SH3GL2: variants seen among roughly 807,000 people sequenced by gnomAD.
SH3GL2 encodes SH3 domain containing GRB2 like 2, endophilin A1.
In SH3GL2, 24 loss-of-function variants were observed where a neutral mutation model predicts 46.0. The observed-to-expected ratio is 0.52, with a 90% CI of 0.38 to 0.73. The LOEUF (loss-of-function observed/expected upper bound fraction) is 0.73. SH3GL2 is among the 30% of genes least tolerant of loss of function. SH3GL2 has a pLI of 0.00. For missense variants in SH3GL2, 413 were observed against 424.2 expected, an observed-to-expected ratio of 0.97 and a Z score of 0.23; for synonymous variants, 196 against 147.1, an observed-to-expected ratio of 1.33 and a Z score of -2.40.
At chr9:17,707,694 A>G (rs904360126) in intron 1 of SH3GL2, among the ~76,000 whole-genome samples, 1 of 152,056 alleles carries the variant, frequency 6.6e-6, no homozygotes, top group Non-Finnish European at 1.5e-5. Flanking sequence ...ATGTTTGGGC[A>G]AAGGAGAGTG....
At position 17,791,324 on chromosome 9, in the gene SH3GL2, C is replaced by G. The variant is rs1178366036; in HGVS notation, c.718C>G (p.Leu240Val). The G allele has an allele frequency of 6.2e-7, 1 of 1,606,822 alleles. No individual in the cohort carries two copies. Among genetic ancestry groups the G allele is most frequent in the South Asian group, 1.1e-5 (1 of 90,890 alleles). The change falls in exon 7 of 9, where the codon CTG becomes GTG. Residue 240 changes from leucine to valine, a missense_variant. Physicochemically the swap from Leu to Val is conservative, Grantham distance 32. Around this residue, in one of 3 missense-constraint regions of SH3GL2, gnomAD observed 248 missense variants for 215.0 expected, o/e 1.15. Transcript: ENST00000380607. ...GATCCTGCAGCAAGTCACGGTCAGA[C>G]TGGAAGAAAGGTATTCTACAGTTCC... ...VQILQQVTVR[L>V]EERIRQASSQ...
rs749840567 is a variant in SH3GL2, at chr9:17,760,840, C to T, written c.115-597C>T. Among the ~76,000 whole-genome samples, 320 of 152,164 alleles carry T rather than the reference C, an allele frequency of 2.1e-3. 2 individuals carry two copies. The highest frequency in any genetic ancestry group is 3.3e-3 in the Non-Finnish European group (223 of 68,004). On this transcript the variant is annotated intron_variant, in intron 2 of 8. Transcript: ENST00000380607. The stretch of plus-strand genomic sequence containing the variant: ...GGAGAGGGGCCTGACAAAGAGAACA[C>T]GGTGAGATGCTGAAGGCAAACACTG...
intron 1 of SH3GL2, among the ~76,000 whole-genome samples, chr9:17,579,665 G>T (rs1177773559): frequency 6.6e-6 from 1 of 152,218 alleles, no homozygotes; most frequent in African/African-American, 2.4e-5. Flanking sequence ...CTTCACGGGT[G>T]ACCTTGCGGA....
At chr9:17,793,772 G>C (rs902902368) in intron 8 of SH3GL2, among the ~76,000 whole-genome samples, 1 of 151,976 alleles carries the variant, frequency 6.6e-6, no homozygotes, top group Non-Finnish European at 1.5e-5. Context: ...AACACATTTT[G>C]TTTTGACCCT....
rs568956010 is a variant in SH3GL2, at chr9:17,750,414, C to T, written c.114+3280C>T. On this transcript the variant is annotated intron_variant, in intron 2 of 8. Coordinates refer to ENST00000380607, the MANE Select transcript of SH3GL2 (RefSeq NM_003026.5). ...TCCTAGGGGTGTTTCTCTAATCAGC[C>T]GCCCCAGCCACTCTGTGGCTGAGAT... Among the ~76,000 whole-genome samples, 9 of 152,046 alleles carry T rather than the reference C, an allele frequency of 5.9e-5. No individual in the cohort carries two copies. The East Asian group carries it at 1.2e-3, about 20-fold the overall frequency.
intron 6 of SH3GL2, 98 bp downstream of exon 6, chr9:17,789,648 C>T: frequency 1.3e-6 from 2 of 1,539,212 alleles, no homozygotes; most frequent in Non-Finnish European, 1.8e-6. Context: ...TATCTGATTA[C>T]ACTATGTGAT....
At chr9:17,628,055 T>C (rs140218604) in intron 1 of SH3GL2, among the ~76,000 whole-genome samples, 118 of 152,310 alleles carry the variant, frequency 7.7e-4, no homozygotes, top group Middle Eastern at 3.4e-3. Context: ...ATTTCTCTTT[T>C]TTGCAGTGTA....
intron 1 of SH3GL2, among the ~76,000 whole-genome samples, chr9:17,706,146 G>T (rs1266008317): frequency 6.6e-6 from 1 of 152,008 alleles, no homozygotes; most frequent in East Asian, 1.9e-4. Context: ...TGAGTCATTT[G>T]AGAGTTTACC....
At chr9:17,661,162 AAAAAACAAAAAC>A (rs371914531) in intron 1 of SH3GL2, among the ~76,000 whole-genome samples, 1 of 152,146 alleles carries the variant, frequency 6.6e-6, no homozygotes, top group African/African-American at 2.4e-5. Context: ...ACTCCGTCTC[AAAAAACAAAAAC>A]AAAAACAAAA....
chr9:17,718,585 G>T (rs1032385199), intron 1 of SH3GL2, among the ~76,000 whole-genome samples: 3 of 152,042 alleles, frequency 2.0e-5, no homozygotes. Context: ...AAAATTAGCT[G>T]GGCATGGTGG....
intron 1 of SH3GL2, among the ~76,000 whole-genome samples, chr9:17,630,613 T>A (rs891512975): frequency 1.3e-5 from 2 of 152,222 alleles, no homozygotes; most frequent in African/African-American, 4.8e-5. Flanking sequence ...CTTTTCTTGT[T>A]GTCTTTAAGA....
chr9:17,762,089 C>G (rs1823190872), intron 3 of SH3GL2, among the ~76,000 whole-genome samples: 1 of 152,090 alleles, frequency 6.6e-6, no homozygotes, highest in Admixed American at 6.6e-5. Flanking sequence ...GAGGACCAGG[C>G]AGAGTTGGGG....
chr9:17,621,650 T>G (rs968317406), intron 1 of SH3GL2, among the ~76,000 whole-genome samples: 88 of 152,288 alleles, frequency 5.8e-4, no homozygotes, highest in Non-Finnish European at 2.4e-4. Flanking sequence ...GAGGTGAAGT[T>G]TTTGTGCCAA....
At chr9:17,731,345 T>C (rs1425968529) in intron 1 of SH3GL2, among the ~76,000 whole-genome samples, 3 of 150,104 alleles carry the variant, frequency 2.0e-5, no homozygotes, top group Non-Finnish European at 4.4e-5. Context: ...TTCGTGAGGG[T>C]AGAACCCTGC....
intron 1 of SH3GL2, among the ~76,000 whole-genome samples, chr9:17,640,993 A>G (rs2134643179): frequency 6.6e-6 from 1 of 152,332 alleles, no homozygotes; most frequent in East Asian, 1.9e-4. Context: ...ATAATAAGTA[A>G]AACTCTGAAT....
intron 1 of SH3GL2, among the ~76,000 whole-genome samples, chr9:17,731,425 G>C (rs1452070441): frequency 6.6e-6 from 1 of 151,560 alleles, no homozygotes; most frequent in Non-Finnish European, 1.5e-5. Context: ...GTAGGGAAGA[G>C]AGAGAGAGAG....
At chr9:17,707,374 T>A (rs763584784) in intron 1 of SH3GL2, among the ~76,000 whole-genome samples, 10 of 152,050 alleles carry the variant, frequency 6.6e-5, no homozygotes, top group Non-Finnish European at 1.3e-4. Context: ...TAGGTGTGTT[T>A]AATTTCAAGT....
intron 1 of SH3GL2, among the ~76,000 whole-genome samples, chr9:17,603,619 G>C (rs982239896): frequency 1.3e-5 from 2 of 152,138 alleles, no homozygotes; most frequent in Non-Finnish European, 2.9e-5. Flanking sequence ...CCAGCACTTT[G>C]GGAGGTCAAA....
chr9:17,756,890 G>A (rs1406248987), intron 2 of SH3GL2, among the ~76,000 whole-genome samples: 1 of 152,130 alleles, frequency 6.6e-6, no homozygotes, highest in Non-Finnish European at 1.5e-5. Flanking sequence ...AGATCCCTGA[G>A]GAATTGCCAC....
Sources: allele counts gnomAD v4.1 joint callset (sites outside exome capture counted in the v4.1 genomes callset), GRCh38; gene constraint gnomAD v4.1.1; regional missense constraint gnomAD v4.1.1; transcripts MANE v1.5; gene names NCBI Gene and HGNC (gene_info 2026-07-23, HGNC 2026-07-21).